The following TFPI variants were observed in gnomAD, a reference collection of about 807,000 sequenced individuals.
TFPI encodes anti-convertin.
A neutral mutation model predicts 34.6 loss-of-function variants in TFPI; 15 were observed. The ratio of observed to expected loss-of-function variants is 0.43; its 90% confidence interval spans 0.29 to 0.67. The LOEUF (loss-of-function observed/expected upper bound fraction) is 0.67, where lower values mean the gene tolerates loss of function less well. TFPI is among the 30% of genes least tolerant of loss of function. The probability of loss-of-function intolerance (pLI) is 0.15; values close to 1 mark genes in which losing one functional copy is unlikely to be tolerated. For missense variants in TFPI, 301 were observed against 364.0 expected (o/e 0.83, Z 1.41); for synonymous variants, 105 against 120.1 (o/e 0.87, Z 0.82).
intron 6 of TFPI, among the ~76,000 whole-genome samples, chr2:187,475,662 C>G (rs760182126): frequency 3.9e-5 from 6 of 152,030 alleles, no homozygotes; most frequent in Non-Finnish European, 7.4e-5. Context: ...ATTTTGTGAT[C>G]TTTTTTTCAA....
At chr2:187,470,331 G>A (rs1397193996) in intron 6 of TFPI, among the ~76,000 whole-genome samples, 1 of 152,116 alleles carries the variant, frequency 6.6e-6, no homozygotes, top group African/African-American at 2.4e-5. Flanking sequence ...AAAATTTTCT[G>A]ATGACAGGGA....
intron 3 of TFPI, among the ~76,000 whole-genome samples, chr2:187,490,598 G>C (rs188084524): frequency 1.3e-5 from 2 of 151,134 alleles, no homozygotes; most frequent in East Asian, 3.9e-4. Context: ...TAATCTCTCT[G>C]TCCTTATTTT....
intron 3 of TFPI, among the ~76,000 whole-genome samples, chr2:187,491,236 G>A (rs746567508): frequency 6.6e-6 from 1 of 151,544 alleles, no homozygotes; most frequent in Non-Finnish European, 1.5e-5. Context: ...CTAGAAGTAC[G>A]ATTTTGTTAT....
At chr2:187,478,483 G>C (rs904844912) in intron 6 of TFPI, 9 of 744,620 alleles carry the variant, frequency 1.2e-5, no homozygotes, top group Non-Finnish European at 1.5e-5. Context: ...AGTTAGGTCC[G>C]GTCAAAAGAC....
chr2:187,502,694 G>A (rs530297336), intron 2 of TFPI, among the ~76,000 whole-genome samples: 1 of 152,096 alleles, frequency 6.6e-6, no homozygotes, highest in East Asian at 1.9e-4. Context: ...GTCACTTTGT[G>A]TACTACTTTA....
chr2:187,475,846 T>C (rs1364572494), intron 6 of TFPI, among the ~76,000 whole-genome samples: 1 of 152,190 alleles, frequency 6.6e-6, no homozygotes, highest in Non-Finnish European at 1.5e-5. Context: ...AAAAATAAAA[T>C]TGTCACAACT....
intron 6 of TFPI, among the ~76,000 whole-genome samples, chr2:187,477,258 A>G (rs1402454720): frequency 6.6e-6 from 1 of 152,160 alleles, no homozygotes; most frequent in East Asian, 1.9e-4. Flanking sequence ...GAAGTAGAAA[A>G]CTTGCTGGGT....
At chr2:187,479,913 T>A (rs1692715336) in intron 6 of TFPI, among the ~76,000 whole-genome samples, 1 of 151,874 alleles carries the variant, frequency 6.6e-6, no homozygotes, top group Non-Finnish European at 1.5e-5. Context: ...TACTAATCAT[T>A]CAAATTGGAA....
chr2:187,467,717 A>G, intron 7 of TFPI, 36 bp downstream of exon 7: 1 of 1,496,980 alleles, frequency 6.7e-7, no homozygotes, highest in Non-Finnish European at 8.9e-7. Context: ...GCTATCTTAA[A>G]CACTAGTCAA....
At chr2:187,521,333 A>C (rs1457974668) in intron 1 of TFPI, among the ~76,000 whole-genome samples, 2 of 152,050 alleles carry the variant, frequency 1.3e-5, no homozygotes, top group Non-Finnish European at 1.5e-5. Flanking sequence ...TTCTTCATTC[A>C]TTTTTAAAAA....
rs370156835 is a variant in TFPI, at chr2:187,488,287, C to G, written c.358+50G>C. The stretch of plus-strand genomic sequence containing the variant: ...AGCAAACAAACAAAAAATTGAATAT[C>G]TAAATGCCTTACATAAATGCTTCAA... On this transcript the variant is annotated intron_variant, in intron 4 of 7. Transcript: ENST00000233156. The G allele has an allele frequency of 1.1e-5, 16 of 1,477,626 alleles. No homozygotes were observed. In the African/African-American group the frequency reaches 1.9e-4, roughly 17 times the overall value. 91.5% of individuals were successfully genotyped at this position (1,477,626 alleles called of 1,614,324 possible).
chr2:187,496,526 A>C (rs1276229373), intron 3 of TFPI, among the ~76,000 whole-genome samples: 2 of 152,132 alleles, frequency 1.3e-5, no homozygotes, highest in Non-Finnish European at 2.9e-5. Context: ...TAAGAGTATA[A>C]GACAATAAAT....
intron 2 of TFPI, among the ~76,000 whole-genome samples, chr2:187,501,258 G>A (rs762391354): frequency 4.6e-5 from 7 of 151,980 alleles, no homozygotes; most frequent in Non-Finnish European, 1.0e-4. Flanking sequence ...TGAATTTTAT[G>A]TCTCATAGTC....
intron 3 of TFPI, among the ~76,000 whole-genome samples, chr2:187,490,678 C>A (rs1436777991): frequency 6.6e-6 from 1 of 151,510 alleles, no homozygotes; most frequent in Non-Finnish European, 1.5e-5. Flanking sequence ...GTGATAATAT[C>A]TACCTTTTAA....
chr2:187,467,993 T>C, intron 6 of TFPI, 61 bp from the exon 7 acceptor site: 3 of 1,381,164 alleles, frequency 2.2e-6, no homozygotes, highest in Non-Finnish European at 2.9e-6. Context: ...GGTTTTCGTA[T>C]TGTATATTGT....
At chr2:187,482,880 A>G (rs572921560) in intron 6 of TFPI, among the ~76,000 whole-genome samples, 5 of 152,090 alleles carry the variant, frequency 3.3e-5, no homozygotes, top group African/African-American at 1.2e-4. Flanking sequence ...TTCACATAAT[A>G]GTGTTTCAGT....
intron 5 of TFPI, 175 bp from the exon 6 acceptor site, chr2:187,484,391 G>A: frequency 3.4e-6 from 2 of 583,250 alleles, no homozygotes; most frequent in Non-Finnish European, 3.0e-6. Context: ...ATTTCCATGA[G>A]TAACTGTAGT....
chr2:187,502,515 T>C (rs1685919463), intron 2 of TFPI, among the ~76,000 whole-genome samples: 1 of 152,176 alleles, frequency 6.6e-6, no homozygotes, highest in Non-Finnish European at 1.5e-5. Context: ...TTGAAACTCA[T>C]AATGTTCAAA....
At chr2:187,544,215 T>A (rs1688729820) in intron 1 of TFPI, among the ~76,000 whole-genome samples, 1 of 152,170 alleles carries the variant, frequency 6.6e-6, no homozygotes, top group Admixed American at 6.5e-5. Flanking sequence ...GATGAGAGGA[T>A]ATCAACAATA....
Sources: allele counts gnomAD v4.1 joint callset (sites outside exome capture counted in the v4.1 genomes callset), GRCh38; gene constraint gnomAD v4.1.1; transcripts MANE v1.5; gene names NCBI Gene and HGNC (gene_info 2026-07-23, HGNC 2026-07-21).